Variants in TRPM3 observed in about 807,000 individuals in gnomAD.
TRPM3 encodes the protein transient receptor potential cation channel subfamily M member 3.
A neutral mutation model predicts 181.2 loss-of-function variants in TRPM3; 77 were observed. That is an observed-to-expected ratio of 0.42 (90% CI 0.35 to 0.51). TRPM3 has a LOEUF of 0.51. Ranked by LOEUF, TRPM3 falls within the 20% of genes least tolerant of loss-of-function variation. The probability of loss-of-function intolerance (pLI) is 0.01; values close to 1 mark genes in which losing one functional copy is unlikely to be tolerated. For synonymous variants in TRPM3, 745 were observed against 796.4 expected, an observed-to-expected ratio of 0.94 and a Z score of 1.09; for missense variants, 1,759 against 2,196.7, an observed-to-expected ratio of 0.80 and a Z score of 3.98.
At chr9:70,882,261 T>G (rs762780787) in intron 1 of TRPM3, among the ~76,000 whole-genome samples, 4 of 152,178 alleles carry the variant, frequency 2.6e-5, no homozygotes, top group Non-Finnish European at 5.9e-5. Context: ...AGAAAGAGTC[T>G]TTATCCTTCT....
chr9:71,148,402 G>A (rs1165451100), intron 1 of TRPM3, among the ~76,000 whole-genome samples: 1 of 152,030 alleles, frequency 6.6e-6, no homozygotes. Flanking sequence ...TATGTGATTT[G>A]CTACAACAAT....
At chr9:71,247,285 TG>T (rs1048163198) in intron 1 of TRPM3, among the ~76,000 whole-genome samples, 2 of 122,640 alleles carry the variant, frequency 1.6e-5, no homozygotes, top group African/African-American at 6.5e-5. Context: ...ACCTGGGAGG[TG>T]GGGGTTGCAG....
intron 1 of TRPM3, among the ~76,000 whole-genome samples, chr9:71,204,720 C>T (rs1295677879): frequency 6.6e-6 from 1 of 152,134 alleles, no homozygotes; most frequent in African/African-American, 2.4e-5. Context: ...TGGGTATATA[C>T]CCAAAGGACT....
intron 1 of TRPM3, among the ~76,000 whole-genome samples, chr9:71,095,294 G>T (rs1257133847): frequency 1.3e-5 from 2 of 152,156 alleles, no homozygotes; most frequent in Non-Finnish European, 2.9e-5. Context: ...CCGTCGTCAT[G>T]TATAAAAGAT....
intron 1 of TRPM3, among the ~76,000 whole-genome samples, chr9:71,071,872 G>T (rs1456561363): frequency 6.6e-6 from 1 of 152,208 alleles, no homozygotes; most frequent in South Asian, 2.1e-4. Context: ...TCACATAGAG[G>T]GAATCAATAC....
rs2058299799 is a variant in TRPM3, at chr9:70,592,567, G to A, written c.3049-1362C>T. On this transcript the variant is annotated intron_variant, in intron 21 of 25. Coordinates refer to ENST00000677713, the MANE Select transcript of TRPM3 (RefSeq NM_001366145.2). ...ATATATCCCTTCTAGGCTTAAGCTA[G>A]TTGGAGATTGGTTTCTATCGCTTGC... Among the ~76,000 whole-genome samples, 3 of 152,098 alleles carry A rather than the reference G, an allele frequency of 2.0e-5. No individual in the cohort carries two copies. In the South Asian group the frequency reaches 6.2e-4, roughly 32 times the overall value.
At chr9:71,234,582 C>G (rs2131927094) in intron 1 of TRPM3, among the ~76,000 whole-genome samples, 1 of 152,274 alleles carries the variant, frequency 6.6e-6, no homozygotes. Flanking sequence ...TGTAAATGGT[C>G]TTCTCTCGGC....
intron 22 of TRPM3, among the ~76,000 whole-genome samples, chr9:70,559,548 T>A (rs2131976118): frequency 6.6e-6 from 1 of 152,290 alleles, no homozygotes; most frequent in East Asian, 1.9e-4. Context: ...CAATACCCCA[T>A]CTTGCATCCA....
chr9:70,996,437 C>G (rs1446956304), intron 1 of TRPM3, among the ~76,000 whole-genome samples: 2 of 152,198 alleles, frequency 1.3e-5, no homozygotes, highest in African/African-American at 2.4e-5. Flanking sequence ...CAAATCCGGA[C>G]AGTCAAACCA....
intron 12 of TRPM3, among the ~76,000 whole-genome samples, chr9:70,627,842 C>T (rs1310266503): frequency 6.6e-6 from 1 of 152,180 alleles, no homozygotes; most frequent in Non-Finnish European, 1.5e-5. Flanking sequence ...ATGACCTCTA[C>T]CCTCCTCAGA....
rs117278640 is a variant in TRPM3 at position 71,172,896 on chromosome 9, A to G, written c.183+273757T>C. Among the ~76,000 whole-genome samples, 9 of 152,320 alleles carry G rather than the reference A, an allele frequency of 5.9e-5. No individual in the cohort carries two copies. In the East Asian group the frequency reaches 1.7e-3, roughly 29 times the overall value. On this transcript the variant is annotated intron_variant, in intron 1 of 24. Coordinates refer to the TRPM3 transcript ENST00000357533. ...CATTGAAAACTGTTCGCTTATGCCC[A>G]TTTACTTTAGAGGTATCTAAAATGC...
At chr9:71,265,541 AG>A (rs1230472266) in intron 1 of TRPM3, among the ~76,000 whole-genome samples, 1 of 152,228 alleles carries the variant, frequency 6.6e-6, no homozygotes, top group Admixed American at 6.5e-5. Context: ...CCAAATTAAT[AG>A]GCTTCTGATT....
At chr9:71,057,500 G>C (rs2060797669) in intron 1 of TRPM3, among the ~76,000 whole-genome samples, 1 of 151,896 alleles carries the variant, frequency 6.6e-6, no homozygotes, top group East Asian at 1.9e-4. Context: ...CTTTTCTATA[G>C]GTGTGCCATT....
At chr9:71,232,824 T>C (rs2131915875) in intron 1 of TRPM3, among the ~76,000 whole-genome samples, 1 of 152,196 alleles carries the variant, frequency 6.6e-6, no homozygotes, top group Admixed American at 6.5e-5. Context: ...CTTGTATCCT[T>C]CTCCCTTACT....
At chr9:71,293,349 A>G (rs1207032182) in intron 1 of TRPM3, among the ~76,000 whole-genome samples, 1 of 151,940 alleles carries the variant, frequency 6.6e-6, no homozygotes, top group African/African-American at 2.4e-5. Flanking sequence ...GAAATAAAAC[A>G]TCCATTATTC....
chr9:70,938,431 T>C (rs998844359), intron 1 of TRPM3, among the ~76,000 whole-genome samples: 1 of 152,188 alleles, frequency 6.6e-6, no homozygotes, highest in African/African-American at 2.4e-5. Flanking sequence ...TCCTCCTAGA[T>C]ACCCTCTCTA....
chr9:70,582,664 T>C (rs2132381770), intron 22 of TRPM3, among the ~76,000 whole-genome samples: 2 of 152,374 alleles, frequency 1.3e-5, no homozygotes, highest in South Asian at 4.1e-4. Flanking sequence ...TTATTATTTA[T>C]ACTAGCCACA....
At chr9:70,877,772 T>C (rs979256708) in intron 1 of TRPM3, among the ~76,000 whole-genome samples, 2 of 145,498 alleles carry the variant, frequency 1.4e-5, no homozygotes, top group East Asian at 2.0e-4. Flanking sequence ...TTGTTTTCCG[T>C]TGGCGACCTA....
rs1013069014 is a variant in TRPM3 at position 70,803,454 on chromosome 9, T to G, written c.974-19175A>C. ...CCCCACCGCCACCGTTTTTGTTGTT[T>G]TTTTTTTTTTTTTTTGAGACGGAGT... On this transcript the variant is annotated intron_variant, in intron 6 of 25. Coordinates refer to ENST00000677713, the MANE Select transcript of TRPM3 (RefSeq NM_001366145.2). Among the ~76,000 whole-genome samples the G allele has an allele frequency of 1.2e-3, 121 of 99,944 alleles. 1 individual carries two copies. The highest frequency in any genetic ancestry group is 5.0e-3 in the East Asian group (25 of 5,030). The allele number at this position is 99,944 out of a possible 152,430, so 65.6% of individuals were successfully genotyped here.
Sources: allele counts gnomAD v4.1 joint callset (sites outside exome capture counted in the v4.1 genomes callset), GRCh38; gene constraint gnomAD v4.1.1; transcripts MANE v1.5; gene names NCBI Gene and HGNC (gene_info 2026-07-23, HGNC 2026-07-21).